MNAT1: variants seen among roughly 807,000 people sequenced by gnomAD.
The protein encoded by MNAT1 is MNAT1 component of CDK activating kinase.
MNAT1 carries 43 observed loss-of-function variants against 42.0 expected under a neutral mutation model. The observed-to-expected ratio is 1.02, with a 90% CI of 0.80 to 1.32. The LOEUF (loss-of-function observed/expected upper bound fraction) is 1.32. Ranked by LOEUF, MNAT1 falls within the 40% of genes most tolerant of loss-of-function variation. The pLI is 0.00. For missense variants in MNAT1, 306 were observed against 350.4 expected, an observed-to-expected ratio of 0.87 and a Z score of 1.01; for synonymous variants, 118 against 120.0, an observed-to-expected ratio of 0.98 and a Z score of 0.11.
chr14:60,902,955 AT>A (rs1161494531), intron 7 of MNAT1, among the ~76,000 whole-genome samples: 1 of 151,316 alleles, frequency 6.6e-6, no homozygotes, highest in Non-Finnish European at 1.5e-5. Context: ...CTGAAAAAAA[AT>A]TTTTTTTCTT....
chr14:60,802,475 AAAAAG>A (rs1457539957), intron 3 of MNAT1, among the ~76,000 whole-genome samples: 9 of 152,276 alleles, frequency 5.9e-5, no homozygotes, highest in Non-Finnish European at 1.2e-4. Flanking sequence ...CAACTGAAAA[AAAAAG>A]AGGGCTTTGT....
At chr14:60,886,492 C>G (rs1327218232) in intron 7 of MNAT1, among the ~76,000 whole-genome samples, 1 of 151,648 alleles carries the variant, frequency 6.6e-6, no homozygotes, top group Non-Finnish European at 1.5e-5. Flanking sequence ...TTTGATTAAT[C>G]TTTTGATTAG....
At chr14:60,918,742 A>ATG (rs2035587367) in intron 7 of MNAT1, among the ~76,000 whole-genome samples, 1 of 147,358 alleles carries the variant, frequency 6.8e-6, no homozygotes, top group Non-Finnish European at 1.5e-5. Context: ...GAGAATATAT[A>ATG]TATATATATA....
At chr14:60,840,686 G>A (rs1198914752) in intron 6 of MNAT1, among the ~76,000 whole-genome samples, 1 of 151,818 alleles carries the variant, frequency 6.6e-6, no homozygotes, top group Non-Finnish European at 1.5e-5. Context: ...TTTTGAGTCA[G>A]AGTTTCATTC....
At chr14:60,752,718 GTAAC>G (rs2030150521) in intron 1 of MNAT1, among the ~76,000 whole-genome samples, 1 of 152,152 alleles carries the variant, frequency 6.6e-6, no homozygotes, top group Non-Finnish European at 1.5e-5. Context: ...TTTTGACTCA[GTAAC>G]TAATTTTGTA....
intron 7 of MNAT1, among the ~76,000 whole-genome samples, chr14:60,942,003 CAAAAAAA>C (rs3080602): frequency 3.8e-3 from 113 of 29,934 alleles, no homozygotes; most frequent in African/African-American, 5.4e-3. Flanking sequence ...GGCTCCATCT[CAAAAAAA>C]AAAAAAAAAA....
chr14:60,868,119 T>G (rs1399920448), intron 6 of MNAT1, among the ~76,000 whole-genome samples: 1 of 151,928 alleles, frequency 6.6e-6, no homozygotes, highest in Non-Finnish European at 1.5e-5. Flanking sequence ...GAACAGCTTA[T>G]AGACAGTGCC....
chr14:60,753,060 T>G (rs904691511), intron 1 of MNAT1, among the ~76,000 whole-genome samples: 2 of 152,218 alleles, frequency 1.3e-5, no homozygotes, highest in African/African-American at 4.8e-5. Context: ...CCACCGCACC[T>G]GGCTTGCACT....
At chr14:60,904,783 G>A (rs924246767) in intron 7 of MNAT1, among the ~76,000 whole-genome samples, 3 of 151,882 alleles carry the variant, frequency 2.0e-5, no homozygotes, top group Admixed American at 2.0e-4. Context: ...ACAATAAAAT[G>A]TTTTAATTTA....
At chr14:60,958,793 C>T (rs1194710968) in intron 7 of MNAT1, among the ~76,000 whole-genome samples, 6 of 151,930 alleles carry the variant, frequency 3.9e-5, no homozygotes, top group Admixed American at 6.6e-5. Flanking sequence ...CCCACCACCA[C>T]GCCTGGCTAA....
intron 6 of MNAT1, among the ~76,000 whole-genome samples, chr14:60,833,286 C>T (rs2033278305): frequency 2.0e-5 from 3 of 152,110 alleles, no homozygotes; most frequent in Non-Finnish European, 4.4e-5. Flanking sequence ...CCAGCTTTTG[C>T]CCATTCCGTA....
At chr14:60,856,743 C>T (rs4151270) in intron 6 of MNAT1, among the ~76,000 whole-genome samples, 10 of 150,940 alleles carry the variant, frequency 6.6e-5, no homozygotes, top group African/African-American at 2.2e-4. Flanking sequence ...TGCAGTGGCA[C>T]GATCTCAGCT....
intron 6 of MNAT1, among the ~76,000 whole-genome samples, chr14:60,834,730 T>C (rs1470070406): frequency 1.3e-5 from 2 of 152,184 alleles, no homozygotes; most frequent in Non-Finnish European, 2.9e-5. Context: ...TTTTGTGTTT[T>C]TGATCAGTCT....
intron 7 of MNAT1, among the ~76,000 whole-genome samples, chr14:60,958,697 C>T (rs1329235993): frequency 1.6e-5 from 2 of 122,616 alleles, no homozygotes; most frequent in Non-Finnish European, 3.2e-5. Flanking sequence ...AGTGCAGTGG[C>T]GCGATCTTGG....
intron 6 of MNAT1, among the ~76,000 whole-genome samples, chr14:60,847,213 G>C (rs540090894): frequency 6.6e-6 from 1 of 151,964 alleles, no homozygotes; most frequent in Admixed American, 6.6e-5. Flanking sequence ...GACCATCCTG[G>C]CTAACACGGT....
At chr14:60,805,658 T>C (rs2139342195) in intron 3 of MNAT1, among the ~76,000 whole-genome samples, 1 of 152,326 alleles carries the variant, frequency 6.6e-6, no homozygotes, top group East Asian at 1.9e-4. Context: ...AATCATACAG[T>C]ATGTAGCCTT....
chr14:60,803,592 A>G (rs4151208), intron 3 of MNAT1, among the ~76,000 whole-genome samples: 37,031 of 151,988 alleles, frequency 0.24, 4,915 homozygotes, highest in Middle Eastern at 0.32. Flanking sequence ...ATTATTAGAG[A>G]TGAGAGAAAA....
At chr14:60,783,439 C>T (rs1247080789) in intron 1 of MNAT1, among the ~76,000 whole-genome samples, 2 of 152,160 alleles carry the variant, frequency 1.3e-5, no homozygotes, top group East Asian at 3.9e-4. Context: ...TATGTACCTT[C>T]AAAGTAGCAT....
chr14:60,887,743 C>T (rs575368393), intron 7 of MNAT1, among the ~76,000 whole-genome samples: 1 of 151,978 alleles, frequency 6.6e-6, no homozygotes, highest in Non-Finnish European at 1.5e-5. Context: ...CAAATAGATG[C>T]AATAAAAAAT....
Sources: gnomAD v4.1 joint callset for allele counts (sites outside exome capture counted in the v4.1 genomes callset) on GRCh38, gnomAD v4.1.1 for gene constraint, MANE v1.5 for transcripts, NCBI Gene and HGNC (gene_info 2026-07-23, HGNC 2026-07-21) for gene names.